IQCJ: variants seen among roughly 807,000 people sequenced by gnomAD.
IQCJ encodes the protein IQ domain-containing protein J.
Under a neutral mutation model 11.0 loss-of-function variants are expected in IQCJ, and 9 were observed. The observed-to-expected ratio is 0.82, with a 90% CI of 0.49 to 1.43. The LOEUF is 1.43. Among genes scored for constraint, IQCJ ranks in the 40% most tolerant of loss-of-function variants. IQCJ has a pLI of 0.00. For missense variants in IQCJ, 146 were observed against 133.2 expected (o/e 1.10, Z -0.47); for synonymous variants, 55 against 51.3 (o/e 1.07, Z -0.31).
intron 1 of IQCJ, among the ~76,000 whole-genome samples, chr3:159,123,203 C>T (rs1049616905): frequency 5.9e-5 from 9 of 152,148 alleles, no homozygotes; most frequent in Admixed American, 1.3e-4. Flanking sequence ...GTATATTTGA[C>T]TTCATATCCA....
At chr3:159,232,572 C>T (rs1429331157) in intron 1 of IQCJ, among the ~76,000 whole-genome samples, 1 of 149,056 alleles carries the variant, frequency 6.7e-6, no homozygotes, top group Non-Finnish European at 1.5e-5. Flanking sequence ...TTTGATTGCA[C>T]TGTGGTCTGA....
At chr3:159,083,165 G>GA (rs1451321146) in intron 1 of IQCJ, among the ~76,000 whole-genome samples, 1 of 152,054 alleles carries the variant, frequency 6.6e-6, no homozygotes, top group Non-Finnish European at 1.5e-5. Flanking sequence ...TCAACAGAAA[G>GA]AAAAAGACAA....
At chr3:159,131,274 CGTT>C (rs1719972166) in intron 1 of IQCJ, among the ~76,000 whole-genome samples, 1 of 152,110 alleles carries the variant, frequency 6.6e-6, no homozygotes, top group South Asian at 2.1e-4. Flanking sequence ...TCTCTCTTAA[CGTT>C]GTGCTCTGGG....
At chr3:159,256,614 C>T (rs2621295) in intron 3 of IQCJ, among the ~76,000 whole-genome samples, 50,483 of 152,060 alleles carry the variant, frequency 0.33, 9,426 homozygotes, top group Non-Finnish European at 0.43. Context: ...GCCTCAGTTG[C>T]ACTCCTCTGT....
intron 1 of IQCJ, among the ~76,000 whole-genome samples, chr3:159,190,471 G>T (rs1404344319): frequency 2.0e-5 from 3 of 152,222 alleles, no homozygotes; most frequent in African/African-American, 7.2e-5. Flanking sequence ...TGAGTGTTAA[G>T]GTGAAGCTGA....
intron 2 of IQCJ, among the ~76,000 whole-genome samples, chr3:159,250,292 T>C (rs1037853795): frequency 2.0e-5 from 3 of 152,214 alleles, no homozygotes; most frequent in African/African-American, 7.2e-5. Flanking sequence ...AGTTTTATTT[T>C]CTTTATGAAA....
intron 1 of IQCJ, among the ~76,000 whole-genome samples, chr3:159,191,786 A>G (rs1412667105): frequency 1.3e-5 from 2 of 152,358 alleles, no homozygotes; most frequent in South Asian, 2.1e-4. Flanking sequence ...GTATAAAGCC[A>G]TTCTGGAAAT....
At chr3:159,262,162 A>G (rs1046748820) in intron 3 of IQCJ, among the ~76,000 whole-genome samples, 3 of 152,262 alleles carry the variant, frequency 2.0e-5, no homozygotes, top group Non-Finnish European at 2.9e-5. Context: ...GAGTGCATGC[A>G]GTAGTAGTCA....
In IQCJ at chr3:159,163,605, G is replaced by A. The variant is rs1577053044; in HGVS notation, c.10-82238G>A. ...GTCTTGAACTTCTGAGCTCAGGTAAGCCTCCCACCTAGGCCTCCCAAAGTG... is the reference window on the plus strand; with the variant it reads ...GTCTTGAACTTCTGAGCTCAGGTAAACCTCCCACCTAGGCCTCCCAAAGTG... On this transcript the variant is annotated intron_variant, in intron 1 of 3. Transcript: ENST00000397832. Among the ~76,000 whole-genome samples, 4 of 152,114 alleles carry A rather than the reference G, an allele frequency of 2.6e-5. No individual in the cohort carries two copies. The South Asian group carries it at 8.3e-4, about 32-fold the overall frequency.
intron 1 of IQCJ, among the ~76,000 whole-genome samples, chr3:159,143,188 T>C (rs976184807): frequency 6.6e-6 from 1 of 152,124 alleles, no homozygotes; most frequent in African/African-American, 2.4e-5. Flanking sequence ...TGTGAAAAAA[T>C]CACAGCATCT....
intron 3 of IQCJ, among the ~76,000 whole-genome samples, chr3:159,260,985 G>A (rs1170405455): frequency 1.3e-5 from 2 of 152,152 alleles, no homozygotes; most frequent in East Asian, 3.9e-4. Flanking sequence ...CACTACAGTT[G>A]ATGGACTTTT....
chr3:159,137,569 C>T (rs1454656631), intron 1 of IQCJ, among the ~76,000 whole-genome samples: 1 of 152,172 alleles, frequency 6.6e-6, no homozygotes, highest in Admixed American at 6.5e-5. Context: ...GACAGTATCT[C>T]TGTTTCAGCC....
At chr3:159,111,027 C>G (rs538016639) in intron 1 of IQCJ, among the ~76,000 whole-genome samples, 1 of 152,322 alleles carries the variant, frequency 6.6e-6, no homozygotes, top group Admixed American at 6.5e-5. Context: ...TGTGGCTTTG[C>G]AAGTAATAGT....
At chr3:159,247,395 A>G (rs895567666) in intron 2 of IQCJ, among the ~76,000 whole-genome samples, 1 of 152,148 alleles carries the variant, frequency 6.6e-6, no homozygotes, top group Non-Finnish European at 1.5e-5. Context: ...GCGCCGGTCT[A>G]TTTACTCAGG....
At chr3:159,191,540 T>A (rs1228534789) in intron 1 of IQCJ, among the ~76,000 whole-genome samples, 3 of 152,156 alleles carry the variant, frequency 2.0e-5, no homozygotes, top group Non-Finnish European at 4.4e-5. Context: ...ATTGCTGAAA[T>A]GAAGTGGGCG....
At chr3:159,154,846 A>G (rs1268097499) in intron 1 of IQCJ, among the ~76,000 whole-genome samples, 3 of 152,076 alleles carry the variant, frequency 2.0e-5, no homozygotes, top group African/African-American at 4.8e-5. Context: ...CTTCTAATAC[A>G]TCGACTACTT....
At chr3:159,103,145 A>G (rs945164995) in intron 1 of IQCJ, among the ~76,000 whole-genome samples, 1 of 152,206 alleles carries the variant, frequency 6.6e-6, no homozygotes, top group Non-Finnish European at 1.5e-5. Flanking sequence ...AAAATTATCC[A>G]CTTTCATTCA....
At position 159,263,584 on chromosome 3, in the gene IQCJ, A is replaced by C; in HGVS notation, c.*853A>C. 1 of 984,576 alleles carries C rather than the reference A, an allele frequency of 1.0e-6. No homozygotes were observed. Among genetic ancestry groups the C allele is most frequent in the Non-Finnish European group, 1.2e-6 (1 of 829,122 alleles). 61.0% of individuals were successfully genotyped at this position (984,576 alleles called of 1,614,324 possible). On this transcript the variant is annotated 3_prime_UTR_variant, in exon 4 of 4. Transcript: ENST00000397832. ...GTTAGAGAAATGAAGTAATTACACAAGTATATTACTTCCAAAAATTTTTCT... is the reference window on the plus strand; with the variant it reads ...GTTAGAGAAATGAAGTAATTACACACGTATATTACTTCCAAAAATTTTTCT...
At chr3:159,198,110 C>A (rs938344450) in intron 1 of IQCJ, among the ~76,000 whole-genome samples, 16 of 152,164 alleles carry the variant, frequency 1.1e-4, no homozygotes, top group African/African-American at 3.4e-4. Flanking sequence ...TTCTAGCAAT[C>A]TCTGAAATGA....
Sources: gnomAD v4.1 joint callset for allele counts (sites outside exome capture counted in the v4.1 genomes callset) on GRCh38, gnomAD v4.1.1 for gene constraint, MANE v1.5 for transcripts, NCBI Gene and HGNC (gene_info 2026-07-23, HGNC 2026-07-21) for gene names.